Variants in FRAS1 observed in about 807,000 individuals in gnomAD.
FRAS1 encodes the protein extracellular matrix organizing protein FRAS1.
Under a neutral mutation model 435.2 loss-of-function variants are expected in FRAS1, and 290 were observed. The ratio of observed to expected loss-of-function variants is 0.67; its 90% confidence interval spans 0.61 to 0.73. The LOEUF is 0.73. Among genes scored for constraint, FRAS1 ranks in the 30% least tolerant of loss-of-function variants. FRAS1 has a pLI of 0.00. For missense variants in FRAS1, 4,860 were observed against 5,001.5 expected, an observed-to-expected ratio of 0.97 and a Z score of 0.85; for synonymous variants, 1,800 against 1,851.0, an observed-to-expected ratio of 0.97 and a Z score of 0.71.
In FRAS1 at chr4:78,282,807, C is replaced by CT. The variant is rs753088954; in HGVS notation, c.1108-7dup. 84 of 1,612,892 alleles carry CT rather than the reference C, an allele frequency of 5.2e-5. No individual in the cohort carries two copies. The highest frequency in any genetic ancestry group is 1.7e-5 in the Admixed American group (1 of 59,934). Reference sequence around the variant, plus strand: ...ATCCTGATGACAATGCTGTTCTTCACTTTTTTGCGTAGGAGGGAGAGAAGT... The same window carrying CT: ...ATCCTGATGACAATGCTGTTCTTCACTTTTTTTGCGTAGGAGGGAGAGAAGT... On this transcript the variant is annotated splice_polypyrimidine_tract_variant and intron_variant, in intron 11 of 73. Coordinates refer to ENST00000512123, the MANE Select transcript of FRAS1 (RefSeq NM_025074.7).
chr4:78,355,660 G>A (rs184858754), intron 20 of FRAS1, among the ~76,000 whole-genome samples: 1 of 152,248 alleles, frequency 6.6e-6, no homozygotes, highest in African/African-American at 2.4e-5. Context: ...CTAGAGTGGT[G>A]GGTTGGAAAT....
At chr4:78,198,755 A>G (rs995232229) in intron 2 of FRAS1, among the ~76,000 whole-genome samples, 1 of 152,140 alleles carries the variant, frequency 6.6e-6, no homozygotes, top group African/African-American at 2.4e-5. Flanking sequence ...TTCCTCACCT[A>G]TTCAACATGA....
intron 35 of FRAS1, among the ~76,000 whole-genome samples, chr4:78,428,799 C>T (rs1734098060): frequency 6.6e-6 from 1 of 152,160 alleles, no homozygotes; most frequent in South Asian, 2.1e-4. Context: ...TTTCCACTAA[C>T]ATTTATCAAG....
intron 14 of FRAS1, among the ~76,000 whole-genome samples, chr4:78,298,973 G>A (rs1728270386): frequency 6.6e-6 from 1 of 152,202 alleles, no homozygotes; most frequent in African/African-American, 2.4e-5. Flanking sequence ...CAGGAACATA[G>A]AGAAAGGTTA....
In FRAS1 at chr4:78,058,009, G is replaced by T. The variant is rs768691268; in HGVS notation, c.-1G>T. On this transcript the variant is annotated 5_prime_UTR_variant, in exon 1 of 74. Coordinates refer to ENST00000512123, the MANE Select transcript of FRAS1 (RefSeq NM_025074.7). ...CCTCCATCGTGGGTGCCGAGGCGGCGATGGGTGTCCTCAAAGTGTGGCTCG... is the reference window on the plus strand; with the variant it reads ...CCTCCATCGTGGGTGCCGAGGCGGCTATGGGTGTCCTCAAAGTGTGGCTCG... 2.5e-6 allele frequency: 4 copies of T among 1,613,826 alleles called. No individual in the cohort carries two copies. Among genetic ancestry groups the T allele is most frequent in the African/African-American group, 2.7e-5 (2 of 74,932 alleles).
intron 15 of FRAS1, among the ~76,000 whole-genome samples, chr4:78,311,954 T>C (rs1729042885): frequency 6.6e-6 from 1 of 152,120 alleles, no homozygotes; most frequent in Non-Finnish European, 1.5e-5. Flanking sequence ...TTATAGATAG[T>C]AGCCTTTTTT....
chr4:78,120,916 G>C (rs1578137863), intron 2 of FRAS1, among the ~76,000 whole-genome samples: 1 of 152,174 alleles, frequency 6.6e-6, no homozygotes, highest in African/African-American at 2.4e-5. Context: ...TCTGGCATTG[G>C]CTTGATGGCT....
At chr4:78,181,797 G>T (rs539678665) in intron 2 of FRAS1, 4 of 1,611,958 alleles carry the variant, frequency 2.5e-6, no homozygotes, top group African/African-American at 1.3e-5. Flanking sequence ...CCAACGCTGC[G>T]GGGCAGCGGG....
intron 34 of FRAS1, among the ~76,000 whole-genome samples, chr4:78,423,615 T>C (rs1022611451): frequency 6.6e-6 from 1 of 152,228 alleles, no homozygotes; most frequent in African/African-American, 2.4e-5. Flanking sequence ...TTGATTATGG[T>C]AAACATTTAA....
At chr4:78,537,931 G>T (rs1721932841) in intron 72 of FRAS1, among the ~76,000 whole-genome samples, 1 of 146,494 alleles carries the variant, frequency 6.8e-6, no homozygotes, top group African/African-American at 2.6e-5. Context: ...GGGCAACAGA[G>T]CAAGACCCTA....
intron 9 of FRAS1, among the ~76,000 whole-genome samples, chr4:78,267,905 T>C (rs1399703616): frequency 5.3e-5 from 8 of 152,242 alleles, no homozygotes; most frequent in Admixed American, 1.3e-4. Flanking sequence ...CATAACATGC[T>C]TTTTGTTTTT....
At chr4:78,218,451 G>A (rs1723899241) in intron 2 of FRAS1, among the ~76,000 whole-genome samples, 1 of 152,162 alleles carries the variant, frequency 6.6e-6, no homozygotes, top group Non-Finnish European at 1.5e-5. Context: ...TTCATTACGT[G>A]AGCATTGCAT....
At chr4:78,342,177 G>A (rs1730420560) in intron 20 of FRAS1, among the ~76,000 whole-genome samples, 1 of 152,200 alleles carries the variant, frequency 6.6e-6, no homozygotes, top group African/African-American at 2.4e-5. Flanking sequence ...GCTCTTTCGT[G>A]TATGTCCAAG....
At chr4:78,424,611 A>G (rs1733929379) in intron 35 of FRAS1, among the ~76,000 whole-genome samples, 191 bp downstream of exon 35, 1 of 152,192 alleles carries the variant, frequency 6.6e-6, no homozygotes, top group South Asian at 2.1e-4. Context: ...GCTTAACTTT[A>G]TAGTCATAGG....
chr4:78,509,556 AGAATGGTTGCT>A (rs756251964), intron 63 of FRAS1, among the ~76,000 whole-genome samples: 13 of 152,244 alleles, frequency 8.5e-5, no homozygotes, highest in Non-Finnish European at 1.3e-4. Flanking sequence ...ATAAAAGAAT[AGAATGGTTGCT>A]GAATGATCAG....
intron 2 of FRAS1, among the ~76,000 whole-genome samples, chr4:78,230,562 C>T (rs1724476046): frequency 6.6e-6 from 1 of 152,150 alleles, no homozygotes; most frequent in African/African-American, 2.4e-5. Flanking sequence ...TCATGGTTCC[C>T]TGACAAACAA....
intron 9 of FRAS1, among the ~76,000 whole-genome samples, chr4:78,277,639 T>C (rs931308384): frequency 6.6e-6 from 1 of 152,160 alleles, no homozygotes. Context: ...GGAATTACAC[T>C]TTCTAAATTA....
intron 2 of FRAS1, among the ~76,000 whole-genome samples, chr4:78,075,246 A>G (rs1740580255): frequency 6.6e-6 from 1 of 152,146 alleles, no homozygotes; most frequent in Admixed American, 6.6e-5. Context: ...ACATGAAAAC[A>G]TGATCTCTGG....
At chr4:78,286,862 CATAAT>C (rs1727631860) in intron 14 of FRAS1, among the ~76,000 whole-genome samples, 2 of 151,874 alleles carry the variant, frequency 1.3e-5, no homozygotes, top group Non-Finnish European at 2.9e-5. Flanking sequence ...TGGGAGTAGT[CATAAT>C]ATAATTTAAT....
Sources: gnomAD v4.1 joint callset for allele counts (sites outside exome capture counted in the v4.1 genomes callset) on GRCh38, gnomAD v4.1.1 for gene constraint, MANE v1.5 for transcripts, NCBI Gene and HGNC (gene_info 2026-07-23, HGNC 2026-07-21) for gene names.